PIK3R4: variants seen among roughly 807,000 people sequenced by gnomAD.
The protein encoded by PIK3R4 is phosphoinositide-3-kinase regulatory subunit 4.
A neutral mutation model predicts 136.5 loss-of-function variants in PIK3R4; 46 were observed. The ratio of observed to expected loss-of-function variants is 0.34; its 90% CI spans 0.27 to 0.43. The LOEUF (loss-of-function observed/expected upper bound fraction) is 0.43. Among genes scored for constraint, PIK3R4 ranks in the 20% least tolerant of loss-of-function variants. The probability of loss-of-function intolerance (pLI) is 1.00; values close to 1 mark genes in which losing one functional copy is unlikely to be tolerated. For missense variants in PIK3R4, 1,331 were observed against 1,649.5 expected (o/e 0.81, Z 3.35); for synonymous variants, 557 against 566.7 (o/e 0.98, Z 0.24).
Position 130,731,048 on chromosome 3 carries a change from T to A in PIK3R4, c.1451-606A>T, listed in dbSNP as rs866175202. Among the ~76,000 whole-genome samples, 3 of 152,338 alleles carry A rather than the reference T, an allele frequency of 2.0e-5. No individual in the cohort carries two copies. The East Asian group carries it at 5.8e-4, about 29-fold the overall frequency. On this transcript the variant is annotated intron_variant, in intron 4 of 19. Transcript: ENST00000356763. ...TTCTACAGTTGTCTATATCTTCTCC[T>A]TTCTCTTTCTGATGACCTACAAAGA... is the stretch of plus-strand genomic sequence containing the variant.
intron 15 of PIK3R4, among the ~76,000 whole-genome samples, chr3:130,685,708 A>G (rs533937912): frequency 4.1e-4 from 62 of 152,346 alleles, no homozygotes; most frequent in Middle Eastern, 6.8e-3. Flanking sequence ...ACCATTGCTT[A>G]GCTCTTCTCT....
intron 14 of PIK3R4, among the ~76,000 whole-genome samples, chr3:130,689,278 G>A (rs563366997): frequency 4.6e-5 from 7 of 152,310 alleles, no homozygotes; most frequent in African/African-American, 1.7e-4. Context: ...AGAGACAACC[G>A]TGCACTGAAT....
chr3:130,742,991 T>A (rs2066832410), intron 2 of PIK3R4, among the ~76,000 whole-genome samples: 1 of 152,200 alleles, frequency 6.6e-6, no homozygotes, highest in Non-Finnish European at 1.5e-5. Flanking sequence ...TTAAATTTTT[T>A]AAGGGTATCC....
chr3:130,734,856 G>C (rs79087463), intron 3 of PIK3R4, among the ~76,000 whole-genome samples: 36 of 152,268 alleles, frequency 2.4e-4, no homozygotes, highest in African/African-American at 8.4e-4. Flanking sequence ...AAAATGTATT[G>C]AGTTATCTGA....
intron 13 of PIK3R4, among the ~76,000 whole-genome samples, chr3:130,692,197 C>A (rs917971955): frequency 2.0e-5 from 3 of 151,960 alleles, no homozygotes; most frequent in Non-Finnish European, 4.4e-5. Context: ...TTAATAACAG[C>A]TTTGCTGAAA....
chr3:130,711,959 T>A (rs992827378), intron 9 of PIK3R4, among the ~76,000 whole-genome samples: 1 of 152,216 alleles, frequency 6.6e-6, no homozygotes, highest in Admixed American at 6.5e-5. Context: ...AAAATGTAAC[T>A]CATTTTTTAA....
intron 9 of PIK3R4, among the ~76,000 whole-genome samples, chr3:130,709,862 G>A (rs779524937): frequency 1.3e-5 from 2 of 152,132 alleles, no homozygotes; most frequent in Non-Finnish European, 1.5e-5. Flanking sequence ...GTGATTGCCA[G>A]GGGCTAAGGG....
In PIK3R4 at chr3:130,733,654, G is replaced by C. The variant is rs2066770628; in HGVS notation, c.1344C>G (p.Val448=). The change falls in exon 4 of 20, where the codon GTC becomes GTG. Residue 448 remains valine (V), a synonymous_variant. Coordinates refer to ENST00000356763, the MANE Select transcript of PIK3R4 (RefSeq NM_014602.3). ...TGATATCATTACGAGGAACCTCTTT[G>C]ACGAGAGCAAGAACTTTGGTCAACG... ...LRTLTKVLAL[V]KEVPRNDINI... 8 of 1,614,058 alleles carry C rather than the reference G, an allele frequency of 5.0e-6. No homozygotes were observed. The highest frequency in any genetic ancestry group is 6.8e-6 in the Non-Finnish European group (8 of 1,179,902).
At chr3:130,680,547 C>G in intron 19 of PIK3R4, 66 bp downstream of exon 19, 1 of 782,970 alleles carries the variant, frequency 1.3e-6, no homozygotes, top group Non-Finnish European at 2.1e-6. Context: ...TTATTTTAAT[C>G]AATTCTGTTT....
chr3:130,716,569 A>T lies in PIK3R4; in HGVS notation c.2158T>A (p.Leu720Ile). The T allele has an allele frequency of 6.2e-7, 1 of 1,613,772 alleles. No individual in the cohort carries two copies. The highest frequency in any genetic ancestry group is 1.7e-5 in the Admixed American group (1 of 60,010). The change falls in exon 9 of 20, where the codon TTA (leucine) becomes ATA (isoleucine). Residue 720 changes from leucine to isoleucine, a missense_variant. By Grantham distance (5) the Leu-to-Ile change is conservative (BLOSUM62 2). Transcript: ENST00000356763. ...ATAGAACGACTTACTGGTTCCTTTA[A>T]AACACTGAGCAGAACAAGTTTTCTT... ...IERKLVLLSV[L>I]KEPVSRSIFD...
At chr3:130,710,789 T>C (rs1280168942) in intron 9 of PIK3R4, among the ~76,000 whole-genome samples, 2 of 152,054 alleles carry the variant, frequency 1.3e-5, no homozygotes, top group African/African-American at 4.8e-5. Flanking sequence ...AATATGCCAA[T>C]TGTAATAGCA....
chr3:130,737,208 C>T (rs1237990280), intron 2 of PIK3R4, among the ~76,000 whole-genome samples: 2 of 152,194 alleles, frequency 1.3e-5, no homozygotes, highest in African/African-American at 4.8e-5. Flanking sequence ...CGGTTTAAAA[C>T]TGCAGGCCCC....
chr3:130,721,043 A>C (rs1423714923), intron 7 of PIK3R4, among the ~76,000 whole-genome samples: 1 of 151,920 alleles, frequency 6.6e-6, no homozygotes, highest in Non-Finnish European at 1.5e-5. Context: ...TGTCTTAAAA[A>C]AAAAAAATTA....
Position 130,730,354 on chromosome 3 carries a change from A to G in PIK3R4, c.1539T>C (p.Asn513=), listed in dbSNP as rs779102351. The change falls in exon 5 of 20, where the codon AAT becomes AAC. Residue 513 remains asparagine (N), a synonymous_variant. Transcript: ENST00000356763. The part of the protein sequence containing the change: ...KNLNMENDPN[N]EEIDEVTHPN... The stretch of plus-strand genomic sequence containing the variant: ...GATGTGTAACCTCATCTATTTCTTC[A>G]TTATTGGGGTCATTTTCCATATTAA... The G allele has an allele frequency of 1.1e-5, 17 of 1,600,216 alleles. No homozygotes were observed. Among genetic ancestry groups the G allele is most frequent in the African/African-American group, 6.7e-5 (5 of 74,208 alleles).
intron 9 of PIK3R4, among the ~76,000 whole-genome samples, chr3:130,714,161 C>T (rs1196002825): frequency 6.6e-6 from 1 of 152,108 alleles, no homozygotes; most frequent in Non-Finnish European, 1.5e-5. Context: ...CCACAAATTG[C>T]TTTCTAAAAT....
chr3:130,682,338 G>C (rs2066464275), intron 16 of PIK3R4, among the ~76,000 whole-genome samples: 1 of 152,128 alleles, frequency 6.6e-6, no homozygotes, highest in Non-Finnish European at 1.5e-5. Context: ...AAGGAGCCAA[G>C]GAATTTGGTT....
intron 17 of PIK3R4, 88 bp downstream of exon 17, chr3:130,681,403 C>A: frequency 1.1e-6 from 1 of 886,488 alleles, no homozygotes; most frequent in Non-Finnish European, 1.9e-6. Flanking sequence ...CCCAAAAGCC[C>A]AACAGATACT....
chr3:130,728,320 C>A, intron 6 of PIK3R4, 143 bp downstream of exon 6: 1 of 612,806 alleles, frequency 1.6e-6, no homozygotes, highest in South Asian at 2.3e-5. Context: ...TTACATCATC[C>A]AAAAGCAGCA....
intron 13 of PIK3R4, among the ~76,000 whole-genome samples, chr3:130,692,129 C>A (rs1285059989): frequency 5.3e-5 from 8 of 152,052 alleles, no homozygotes; most frequent in Non-Finnish European, 1.0e-4. Context: ...CCTGCCTCAG[C>A]CTCCCAAAGT....
Sources: gnomAD v4.1 joint callset for allele counts (sites outside exome capture counted in the v4.1 genomes callset) on GRCh38, gnomAD v4.1.1 for gene constraint, MANE v1.5 for transcripts, NCBI Gene and HGNC (gene_info 2026-07-23, HGNC 2026-07-21) for gene names.